Variants in PHF20 observed in about 807,000 individuals in gnomAD.
The protein encoded by PHF20 is glioma-expressed antigen 2.
Under a neutral mutation model 113.5 loss-of-function variants are expected in PHF20, and 23 were observed. The observed-to-expected ratio is 0.20, with a 90% confidence interval of 0.15 to 0.29. The LOEUF is 0.29. PHF20 is among the 10% of genes least tolerant of loss of function. The probability of loss-of-function intolerance (pLI) is 1.00; values close to 1 mark genes in which losing one functional copy is unlikely to be tolerated. For missense variants in PHF20, 943 were observed against 1,219.6 expected (o/e 0.77, Z 3.38); for synonymous variants, 434 against 457.3 (o/e 0.95, Z 0.65).
chr20:35,775,384 CT>C (rs1413899150), intron 1 of PHF20, among the ~76,000 whole-genome samples: 13 of 152,052 alleles, frequency 8.5e-5, no homozygotes, highest in Admixed American at 3.9e-4. Flanking sequence ...ACACACATCC[CT>C]TAAAAGTTTG....
At chr20:35,828,235 G>A (rs1198071077) in intron 2 of PHF20, among the ~76,000 whole-genome samples, 1 of 152,068 alleles carries the variant, frequency 6.6e-6, no homozygotes, top group Non-Finnish European at 1.5e-5. Flanking sequence ...TTTTAGTCAG[G>A]CTGGTCTCGA....
chr20:35,930,975 A>G (rs1420723096), intron 14 of PHF20, among the ~76,000 whole-genome samples: 1 of 152,114 alleles, frequency 6.6e-6, no homozygotes. Context: ...ATATTATGAT[A>G]TAAATTTGGA....
chr20:35,918,703 C>T (rs2055452255), intron 13 of PHF20, among the ~76,000 whole-genome samples: 1 of 152,162 alleles, frequency 6.6e-6, no homozygotes, highest in African/African-American at 2.4e-5. Context: ...TCACCTGTGG[C>T]CAGAGGGGAA....
chr20:35,834,401 G>C (rs1164338957), intron 2 of PHF20, among the ~76,000 whole-genome samples: 2 of 151,756 alleles, frequency 1.3e-5, no homozygotes, highest in African/African-American at 2.4e-5. Flanking sequence ...ATAGGCATGC[G>C]CCAGCACACC....
chr20:35,926,269 G>A (rs1410488399), intron 13 of PHF20, among the ~76,000 whole-genome samples: 2 of 101,540 alleles, frequency 2.0e-5, no homozygotes, highest in African/African-American at 8.1e-5. Flanking sequence ...ACGGAGTCTC[G>A]CTCTGTGGCC....
At chr20:35,914,288 C>T in intron 12 of PHF20, 91 bp downstream of exon 12, 1 of 1,273,578 alleles carries the variant, frequency 7.9e-7, no homozygotes, top group Non-Finnish European at 1.1e-6. Context: ...GGTTCTAGGC[C>T]ACTACAATAA....
intron 1 of PHF20, among the ~76,000 whole-genome samples, chr20:35,773,185 C>T (rs1277866577): frequency 6.6e-6 from 1 of 152,196 alleles, no homozygotes; most frequent in Non-Finnish European, 1.5e-5. Context: ...ATACAACTCT[C>T]AGAGTGCAGC....
Position 35,791,539 on chromosome 20 carries a change from A to G in PHF20, c.-32-9952A>G, listed in dbSNP as rs1234446640. Among the ~76,000 whole-genome samples, 150 of 115,060 alleles carry G rather than the reference A, an allele frequency of 1.3e-3. 2 individuals carry two copies. The highest frequency in any genetic ancestry group is 4.7e-3 in the African/African-American group (110 of 23,466). The allele number at this position is 115,060 out of a possible 152,430, so 75.5% of individuals were successfully genotyped here. A position where few individuals can be genotyped will look rare whatever the true frequency, so the allele number is the denominator to read the frequency against. On this transcript the variant is annotated intron_variant, in intron 1 of 17. Transcript: ENST00000374012. ...ATACATATATATCTTAGAATAGTGTATATATATATATATATATATATATCT... is the reference window on the plus strand; with the variant it reads ...ATACATATATATCTTAGAATAGTGTGTATATATATATATATATATATATCT...
chr20:35,834,583 A>C (rs1270758488), intron 2 of PHF20, among the ~76,000 whole-genome samples: 1 of 151,938 alleles, frequency 6.6e-6, no homozygotes, highest in Non-Finnish European at 1.5e-5. Context: ...TTTCTTCCTG[A>C]GATCCAGAGT....
At chr20:35,879,413 T>C (rs1351158237) in intron 9 of PHF20, among the ~76,000 whole-genome samples, 1 of 152,202 alleles carries the variant, frequency 6.6e-6, no homozygotes, top group African/African-American at 2.4e-5. Flanking sequence ...AATTTTTGAA[T>C]GTCATCTTGA....
chr20:35,872,958 C>T (rs1040518288), intron 9 of PHF20, among the ~76,000 whole-genome samples: 68 of 151,738 alleles, frequency 4.5e-4, no homozygotes, highest in Middle Eastern at 3.2e-3. Context: ...GGGTTTTTTT[C>T]CTTTTGGTCT....
rs1273185955 is a variant in PHF20 at position 35,807,373 on chromosome 20, G to A, written c.83+5768G>A. 2.4e-5 allele frequency among the ~76,000 whole-genome samples: 3 copies of A among 122,542 alleles called. No individual in the cohort carries two copies. In the Admixed American group the frequency reaches 2.7e-4, roughly 11 times the overall value. 80.4% of individuals were successfully genotyped at this position (122,542 alleles called of 152,430 possible). A position where few individuals can be genotyped will look rare whatever the true frequency, so the allele number is the denominator to read the frequency against. On this transcript the variant is annotated intron_variant, in intron 2 of 17. Transcript: ENST00000374012. ...ATCTTTTTTTTTTTTTTTTTTTTGA[G>A]ATGAAGTCTTGCTCTGTCACCCAGG...
At chr20:35,853,420 C>T (rs138208056) in intron 4 of PHF20, 2 of 152,078 alleles carry the variant, frequency 1.3e-5, no homozygotes, top group African/African-American at 4.8e-5. Context: ...CTGGAATAAT[C>T]TGACTTCCGA....
At chr20:35,775,688 A>G (rs557401798) in intron 1 of PHF20, among the ~76,000 whole-genome samples, 1 of 128,118 alleles carries the variant, frequency 7.8e-6, no homozygotes, top group Admixed American at 9.7e-5. Context: ...CGGGAGGCGG[A>G]GGTTGCAGTG....
chr20:35,863,430 G>A, intron 6 of PHF20, 30 bp downstream of exon 6: 1 of 1,551,776 alleles, frequency 6.4e-7, no homozygotes, highest in Non-Finnish European at 8.7e-7. Flanking sequence ...TCTGCAATGG[G>A]CAATGCCAGA....
chr20:35,878,976 T>G (rs1477963053), intron 9 of PHF20, among the ~76,000 whole-genome samples: 3 of 152,218 alleles, frequency 2.0e-5, no homozygotes, highest in Non-Finnish European at 4.4e-5. Context: ...ACATGTCACC[T>G]AAATGCACTT....
At chr20:35,773,181 C>T (rs1208867307) in intron 1 of PHF20, among the ~76,000 whole-genome samples, 1 of 152,160 alleles carries the variant, frequency 6.6e-6, no homozygotes, top group Non-Finnish European at 1.5e-5. Context: ...AGTTATACAA[C>T]TCTCAGAGTG....
chr20:35,877,434 CT>C (rs1048462153), intron 9 of PHF20, among the ~76,000 whole-genome samples: 1 of 147,218 alleles, frequency 6.8e-6, no homozygotes, highest in Non-Finnish European at 1.5e-5. Flanking sequence ...TCTTTCTTTT[CT>C]TTTTTTTCTT....
At chr20:35,898,517 C>T (rs1263369091) in intron 9 of PHF20, among the ~76,000 whole-genome samples, 1 of 152,178 alleles carries the variant, frequency 6.6e-6, no homozygotes, top group East Asian at 1.9e-4. Flanking sequence ...CTCACTGCAA[C>T]TTCTGCCTTC....
Sources: allele counts gnomAD v4.1 joint callset (sites outside exome capture counted in the v4.1 genomes callset), GRCh38; gene constraint gnomAD v4.1.1; transcripts MANE v1.5; gene names NCBI Gene and HGNC (gene_info 2026-07-23, HGNC 2026-07-21).